The following SLC5A6 variants were observed in gnomAD, a reference collection of about 807,000 sequenced individuals.
SLC5A6 encodes sodium-dependent multivitamin transporter.
SLC5A6 carries 31 observed loss-of-function variants against 67.9 expected under a neutral mutation model. The observed-to-expected ratio is 0.46, with a 90% CI of 0.34 to 0.62. SLC5A6 has a LOEUF of 0.62. Ranked by LOEUF, SLC5A6 falls within the 20% of genes least tolerant of loss-of-function variation. SLC5A6 has a pLI of 0.01. For synonymous variants in SLC5A6, 343 were observed against 331.0 expected (o/e 1.04, Z -0.39); for missense variants, 673 against 812.8 (o/e 0.83, Z 2.09).
chr2:27,205,020 G>C lies in SLC5A6; in HGVS notation c.735-89C>G. 2.6e-6 allele frequency: 4 copies of C among 1,509,596 alleles called. 1 individual carries two copies. In the South Asian group the frequency reaches 4.6e-5, roughly 17 times the overall value. The allele number at this position is 1,509,596 out of a possible 1,614,324, so 93.5% of individuals were successfully genotyped here. A position where few individuals can be genotyped will look rare whatever the true frequency, so the allele number is the denominator to read the frequency against. ...GCAACAGGAGTCAGTGGACAGGAAA[G>C]GAGAGACACCACTGCTAGGGCCAAG... is the stretch of plus-strand genomic sequence containing the variant. On this transcript the variant is annotated intron_variant, in intron 7 of 16. Coordinates refer to ENST00000310574, the MANE Select transcript of SLC5A6 (RefSeq NM_021095.4).
intron 2 of SLC5A6, among the ~76,000 whole-genome samples, chr2:27,210,429 C>CG (rs1033817316): frequency 3.5e-4 from 34 of 98,502 alleles, no homozygotes; most frequent in African/African-American, 1.4e-3. Flanking sequence ...GATTGTGGGA[C>CG]CCCCCCCCCT....
At chr2:27,211,146 C>T (rs1674463698) in intron 2 of SLC5A6, among the ~76,000 whole-genome samples, 1 of 152,238 alleles carries the variant, frequency 6.6e-6, no homozygotes, top group Non-Finnish European at 1.5e-5. Flanking sequence ...CAAAAAGATT[C>T]CCTCAAAATC....
intron 1 of SLC5A6, 73 bp downstream of exon 1, chr2:27,211,946 TG>T: frequency 2.2e-6 from 1 of 449,862 alleles, no homozygotes; most frequent in Non-Finnish European, 3.8e-6. Context: ...CCGAGAGCCC[TG>T]GCCGGGAGCC....
Position 27,207,511 on chromosome 2 carries a change from G to A in SLC5A6, c.140C>T (p.Ala47Val). Residue 47 changes from alanine to valine, a missense_variant, in exon 3 of 17, where the codon GCT becomes GTT. By Grantham distance (64) the Ala-to-Val change is moderately conservative. Transcript: ENST00000310574. The surrounding 1 kb of genome is among the most constrained non-coding windows in gnomAD (Gnocchi z 5.5). Reference sequence around the variant, plus strand: ...AGTATGCCGGCCCCAGCCACGACAAGCATGGTAGAGCCCAATGGCAAGAGA... The same window carrying A: ...AGTATGCCGGCCCCAGCCACGACAAACATGGTAGAGCCCAATGGCAAGAGA... ...VLSLAIGLYH[A>V]CRGWGRHTVG... is the part of the protein sequence containing the mutation. 1 of 1,614,218 alleles carries A rather than the reference G, an allele frequency of 6.2e-7. No individual in the cohort carries two copies. The highest frequency in any genetic ancestry group is 8.5e-7 in the Non-Finnish European group (1 of 1,180,048).
chr2:27,200,200 G>A lies in SLC5A6; in HGVS notation c.*236C>T, dbSNP rs189176336. ...TTTCTGGCATGATCCTGCTCCCTAC[G>A]AGCCTGATCCTTTAAAAAACAGATT... On this transcript the variant is annotated 3_prime_UTR_variant, in exon 17 of 17. Coordinates refer to ENST00000310574, the MANE Select transcript of SLC5A6 (RefSeq NM_021095.4). 4 of 440,088 alleles carry A rather than the reference G, an allele frequency of 9.1e-6. No individual in the cohort carries two copies. Among genetic ancestry groups the A allele is most frequent in the Middle Eastern group, 5.9e-4 (1 of 1,682 alleles). The allele number at this position is 440,088 out of a possible 1,614,324, so 27.3% of individuals were successfully genotyped here.
Position 27,212,183 on chromosome 2 carries a change from C to A in SLC5A6, c.-371G>T, listed in dbSNP as rs1441303077. 6.5e-7 allele frequency: 1 copy of A among 1,541,960 alleles called. No homozygotes were observed. Among genetic ancestry groups the A allele is most frequent in the South Asian group, 1.2e-5 (1 of 82,888 alleles). ...AAGGAAGAGGGGGTCGGCCAGTATCCCCGAAAGAGGGCTAGGGCGCATGAA... is the reference window on the plus strand; with the variant it reads ...AAGGAAGAGGGGGTCGGCCAGTATCACCGAAAGAGGGCTAGGGCGCATGAA... On this transcript the variant is annotated 5_prime_UTR_variant, in exon 1 of 17. Transcript: ENST00000310574.
chr2:27,203,679 A>C, intron 10 of SLC5A6, 100 bp downstream of exon 10: 1 of 877,640 alleles, frequency 1.1e-6, no homozygotes, highest in East Asian at 2.5e-5. Flanking sequence ...TGAGAAACTT[A>C]GAGGGATTCC....
chr2:27,207,113 A>G lies in SLC5A6; in HGVS notation c.393+145T>C, dbSNP rs539502182. Reference sequence around the variant, plus strand: ...CCTGCCCCTATACCTAACATCACTGAGAAAGAATTATAAACACACAATGAG... The same window carrying G: ...CCTGCCCCTATACCTAACATCACTGGGAAAGAATTATAAACACACAATGAG... On this transcript the variant is annotated intron_variant, in intron 3 of 16. Transcript: ENST00000310574. This position sits in a 1 kb window ranked among gnomAD's most constrained non-coding sequence, Gnocchi z 5.5. 22 of 1,080,190 alleles carry G rather than the reference A, an allele frequency of 2.0e-5. No homozygotes were observed. The highest frequency in any genetic ancestry group is 8.1e-5 in the Admixed American group (4 of 49,594). 66.9% of individuals were successfully genotyped at this position (1,080,190 alleles called of 1,614,324 possible). A position where few individuals can be genotyped will look rare whatever the true frequency, so the allele number is the denominator to read the frequency against.
intron 6 of SLC5A6, among the ~76,000 whole-genome samples, 156 bp from the exon 7 acceptor site, chr2:27,205,660 T>C (rs139138194): frequency 1.1e-4 from 17 of 152,320 alleles, no homozygotes; most frequent in Middle Eastern, 6.8e-3. Context: ...TCTGGTGATA[T>C]GTATAAAAGA....
At chr2:27,209,994 G>A (rs1299181625) in intron 2 of SLC5A6, among the ~76,000 whole-genome samples, 1 of 152,178 alleles carries the variant, frequency 6.6e-6, no homozygotes, top group Non-Finnish European at 1.5e-5. Flanking sequence ...CTATGATAGA[G>A]ATGATGGGAA....
At chr2:27,203,937 G>C in intron 9 of SLC5A6, 70 bp from the exon 10 acceptor site, 1 of 1,175,258 alleles carries the variant, frequency 8.5e-7, no homozygotes, top group Non-Finnish European at 1.3e-6. Context: ...CTGCAGGGAA[G>C]CTCCCTTTAC....
chr2:27,201,157 C>T (rs1434858508), intron 15 of SLC5A6, 44 bp from the exon 16 acceptor site: 1 of 1,453,858 alleles, frequency 6.9e-7, no homozygotes, highest in South Asian at 1.2e-5. Flanking sequence ...GAACCATCCA[C>T]AGCAGCGGGC....
Position 27,206,110 on chromosome 2 carries a change from C to T in SLC5A6, c.512-17G>A. On this transcript the variant is annotated splice_polypyrimidine_tract_variant and intron_variant, in intron 5 of 16. Transcript: ENST00000310574. Reference sequence around the variant, plus strand: ...AGCCAGTCACTGTAAGCATAGAAGCCACATTCTTATCCCTGGAAAAGGGTT... The same window carrying T: ...AGCCAGTCACTGTAAGCATAGAAGCTACATTCTTATCCCTGGAAAAGGGTT... The T allele has an allele frequency of 6.2e-7, 1 of 1,613,698 alleles. No individual in the cohort carries two copies. The highest frequency in any genetic ancestry group is 8.5e-7 in the Non-Finnish European group (1 of 1,179,602).
At chr2:27,206,450 C>G (rs369737868) in intron 5 of SLC5A6, 33 bp downstream of exon 5, 1 of 1,607,958 alleles carries the variant, frequency 6.2e-7, no homozygotes, top group Non-Finnish European at 8.5e-7. Flanking sequence ...TAACCTACCA[C>G]GGCTGAAAGC....
intron 2 of SLC5A6, 106 bp downstream of exon 2, chr2:27,211,361 C>A (rs1257273889): frequency 6.6e-6 from 1 of 152,272 alleles, no homozygotes; most frequent in East Asian, 1.9e-4. Context: ...CTTTAAGGAG[C>A]TTTCTGGCTG....
rs771862888 is a variant in SLC5A6, at chr2:27,201,993, G to T, written c.1357C>A (p.Pro453Thr). The change falls in exon 13 of 17, where the codon CCT (proline) becomes ACT (threonine). Residue 453 changes from proline to threonine, a missense_variant. Pro to Thr is a conservative substitution (Grantham distance 38). Transcript: ENST00000310574. Reference sequence around the variant, plus strand: ...GATCCAGATGCATCACTCACAGGAGGGTTAGCACATGGAAAGAACATTCCA... The same window carrying T: ...GATCCAGATGCATCACTCACAGGAGTGTTAGCACATGGAAAGAACATTCCA... ...CLGMFFPCAN[P>T]PGAVVGLLAG... is the part of the protein sequence containing the mutation. The T allele has an allele frequency of 6.2e-7, 1 of 1,613,832 alleles. No individual in the cohort carries two copies. The highest frequency in any genetic ancestry group is 1.7e-5 in the Admixed American group (1 of 60,030).
chr2:27,206,761 G>T, intron 4 of SLC5A6, 116 bp downstream of exon 4: 1 of 957,368 alleles, frequency 1.0e-6, no homozygotes, highest in Non-Finnish European at 1.7e-6. Flanking sequence ...CTAACCTCTA[G>T]CAGGAATTTC....
chr2:27,205,973 C>T, intron 6 of SLC5A6, 53 bp downstream of exon 6: 3 of 1,307,242 alleles, frequency 2.3e-6, no homozygotes, highest in East Asian at 4.6e-5. Flanking sequence ...CTTCCCATGT[C>T]CCCTCCTTAC....
Position 27,206,961 on chromosome 2 carries a change from A to T in SLC5A6, c.394-19T>A. On this transcript the variant is annotated intron_variant, in intron 3 of 16. Transcript: ENST00000310574. Reference sequence around the variant, plus strand: ...CCAGGTACTGGGTATACAGAAAAAAAGATTTTTCTCCTGACTTCACCCCGA... The same window carrying T: ...CCAGGTACTGGGTATACAGAAAAAATGATTTTTCTCCTGACTTCACCCCGA... 1 of 1,600,026 alleles carries T rather than the reference A, an allele frequency of 6.2e-7. No homozygotes were observed. Among genetic ancestry groups the T allele is most frequent in the East Asian group, 2.2e-5 (1 of 44,826 alleles).
Sources: gnomAD v4.1 joint callset for allele counts (sites outside exome capture counted in the v4.1 genomes callset) on GRCh38, gnomAD v4.1.1 for gene constraint, Gnocchi (gnomAD v3.1) non-coding constraint, MANE v1.5 for transcripts, NCBI Gene and HGNC (gene_info 2026-07-23, HGNC 2026-07-21) for gene names.